Variants in TCEA1 observed in about 807,000 individuals in gnomAD.
The protein encoded by TCEA1 is transcription elongation factor A1, also known as transcription elongation factor A protein 1.
In TCEA1, 21 loss-of-function variants were observed where a neutral mutation model predicts 43.8. The observed-to-expected ratio is 0.48, with a 90% CI of 0.34 to 0.69. TCEA1 has a LOEUF of 0.69. Among genes scored for constraint, TCEA1 ranks in the 30% least tolerant of loss-of-function variants. The pLI, the probability that TCEA1 is intolerant of heterozygous loss-of-function variation, is 0.01. For missense variants in TCEA1, 250 were observed against 365.1 expected, an observed-to-expected ratio of 0.68 and a Z score of 2.57; for synonymous variants, 104 against 117.5, an observed-to-expected ratio of 0.88 and a Z score of 0.75.
At chr8:53,971,267 G>A (rs1803148028) in intron 8 of TCEA1, 1 of 152,218 alleles carries the variant, frequency 6.6e-6, no homozygotes, top group African/African-American at 2.4e-5. Context: ...CAACAGTTTA[G>A]GCACATTGCA....
chr8:54,019,076 GGTAA>G (rs1271285799), intron 1 of TCEA1, among the ~76,000 whole-genome samples: 1 of 152,058 alleles, frequency 6.6e-6, no homozygotes, highest in Non-Finnish European at 1.5e-5. Flanking sequence ...GGATAAGGTG[GGTAA>G]GTATTTAGCA....
At chr8:53,981,479 C>G (rs903839935) in intron 7 of TCEA1, among the ~76,000 whole-genome samples, 3 of 152,212 alleles carry the variant, frequency 2.0e-5, no homozygotes, top group Non-Finnish European at 2.9e-5. Context: ...TACCTCTACT[C>G]TGTCTGTGTT....
chr8:54,015,688 CCA>C (rs1468486283), intron 1 of TCEA1, among the ~76,000 whole-genome samples: 3 of 151,968 alleles, frequency 2.0e-5, no homozygotes, highest in African/African-American at 4.8e-5. Context: ...GACAGACAAC[CCA>C]CAGAATGGGA....
intron 2 of TCEA1, among the ~76,000 whole-genome samples, chr8:54,004,736 A>C (rs537801179): frequency 2.6e-5 from 4 of 152,114 alleles, no homozygotes; most frequent in Non-Finnish European, 5.9e-5. Context: ...TACACTTTAA[A>C]TGAATGAACT....
intron 4 of TCEA1, among the ~76,000 whole-genome samples, chr8:53,988,974 C>T (rs1803781359): frequency 6.6e-6 from 1 of 151,634 alleles, no homozygotes; most frequent in African/African-American, 2.4e-5. Flanking sequence ...GAGGCTGAGG[C>T]AGGAAAATCG....
At chr8:53,993,515 T>A (rs1014875381) in intron 4 of TCEA1, 153 bp downstream of exon 4, 15 of 530,018 alleles carry the variant, frequency 2.8e-5, no homozygotes, top group African/African-American at 4.1e-5. Flanking sequence ...GAAAAAAAAA[T>A]AAATTAGAAT....
chr8:53,986,322 A>G (rs992079056), intron 6 of TCEA1, among the ~76,000 whole-genome samples: 3 of 152,234 alleles, frequency 2.0e-5, no homozygotes, highest in Non-Finnish European at 2.9e-5. Flanking sequence ...TGATGAACAT[A>G]TAGGACAAAT....
intron 3 of TCEA1, 109 bp downstream of exon 3, chr8:53,999,836 A>G: frequency 2.6e-6 from 2 of 779,684 alleles, no homozygotes; most frequent in South Asian, 3.3e-5. Context: ...CAGTATATCT[A>G]GATTCACTAA....
intron 3 of TCEA1, 117 bp from the exon 4 acceptor site, chr8:53,993,872 A>G (rs1030170331): frequency 1.8e-5 from 14 of 798,320 alleles, no homozygotes; most frequent in Non-Finnish European, 2.7e-5. Context: ...CTACAAGTAG[A>G]TGAAGTTTGC....
At chr8:54,016,835 G>A (rs1349563433) in intron 1 of TCEA1, among the ~76,000 whole-genome samples, 1 of 151,494 alleles carries the variant, frequency 6.6e-6, no homozygotes, top group Non-Finnish European at 1.5e-5. Flanking sequence ...TTAGCCGGGT[G>A]TGGTGGTGCG....
intron 2 of TCEA1, among the ~76,000 whole-genome samples, chr8:54,000,758 ATTTTTT>A (rs537952645): frequency 1.5e-5 from 2 of 136,104 alleles, no homozygotes; most frequent in African/African-American, 5.7e-5. Context: ...CAAAGCTGGG[ATTTTTT>A]TTTTTTTTTT....
chr8:54,002,734 T>A lies in TCEA1; in HGVS notation c.127-2684A>T, dbSNP rs555957748. ...TATACGAAAGTATTCTGTGCTCAAG[T>A]GACCTTAGGAATTGTGGGATTATAA... On this transcript the variant is annotated intron_variant, in intron 2 of 9. Transcript: ENST00000521604. Among the ~76,000 whole-genome samples the A allele has an allele frequency of 8.5e-5, 13 of 152,320 alleles. No individual in the cohort carries two copies. The South Asian group carries it at 2.7e-3, about 32-fold the overall frequency.
chr8:53,971,798 CA>C, intron 8 of TCEA1: 2 of 235,256 alleles, frequency 8.5e-6, no homozygotes, highest in South Asian at 5.4e-5. Flanking sequence ...AAGAAATATT[CA>C]AAAAAATCTA....
At chr8:54,015,298 C>G (rs1159683769) in intron 1 of TCEA1, among the ~76,000 whole-genome samples, 1 of 151,638 alleles carries the variant, frequency 6.6e-6, no homozygotes, top group African/African-American at 2.4e-5. Context: ...GCCTCCCAAG[C>G]AGCTGGGACT....
chr8:53,973,372 GA>G (rs958234630), intron 8 of TCEA1: 4 of 510,394 alleles, frequency 7.8e-6, no homozygotes, highest in African/African-American at 2.0e-5. Context: ...AAAGAAGAAA[GA>G]AAAAAAGACA....
At chr8:53,970,505 T>C (rs746792675) in intron 8 of TCEA1, 42 bp from the exon 9 acceptor site, 31 of 1,182,098 alleles carry the variant, frequency 2.6e-5, no homozygotes, top group Non-Finnish European at 3.4e-5. Flanking sequence ...GCAGTACTAT[T>C]AAAAAACCCA....
intron 2 of TCEA1, among the ~76,000 whole-genome samples, chr8:54,006,897 G>A (rs1201018112): frequency 6.6e-6 from 1 of 152,124 alleles, no homozygotes; most frequent in Non-Finnish European, 1.5e-5. Flanking sequence ...GGGTGCAGTG[G>A]CGCAATCTTG....
chr8:53,984,344 C>A lies in TCEA1; in HGVS notation c.678+19G>T. The stretch of plus-strand genomic sequence containing the variant: ...ACACAGAATCACATTATAGAAACCT[C>A]AGATTCACACATACTCACCTCTGCT... On this transcript the variant is annotated intron_variant, in intron 7 of 9. Transcript: ENST00000521604. 6.3e-7 allele frequency: 1 copy of A among 1,576,178 alleles called. No individual in the cohort carries two copies. The highest frequency in any genetic ancestry group is 8.6e-7 in the Non-Finnish European group (1 of 1,166,074).
intron 1 of TCEA1, among the ~76,000 whole-genome samples, chr8:54,015,445 G>C (rs1004365636): frequency 6.6e-6 from 1 of 152,074 alleles, no homozygotes; most frequent in Non-Finnish European, 1.5e-5. Flanking sequence ...TGGGATTACA[G>C]GTGTGACCCA....
Sources: gnomAD v4.1 joint callset for allele counts (sites outside exome capture counted in the v4.1 genomes callset) on GRCh38, gnomAD v4.1.1 for gene constraint, MANE v1.5 for transcripts, NCBI Gene and HGNC (gene_info 2026-07-23, HGNC 2026-07-21) for gene names.